The following KCNT2 variants were observed in gnomAD, a reference collection of about 807,000 sequenced individuals.
KCNT2 encodes the protein potassium channel subfamily T member 2.
In KCNT2, 67 loss-of-function variants were observed where a neutral mutation model predicts 153.8. The ratio of observed to expected loss-of-function variants is 0.44; its 90% confidence interval spans 0.36 to 0.53. KCNT2 has a LOEUF of 0.53. Among genes scored for constraint, KCNT2 ranks in the 20% least tolerant of loss-of-function variants. The pLI is 0.00. For missense variants in KCNT2, 975 were observed against 1,354.8 expected (o/e 0.72, Z 4.40); for synonymous variants, 500 against 458.8 (o/e 1.09, Z -1.15).
intron 1 of KCNT2, among the ~76,000 whole-genome samples, chr1:196,585,834 C>T (rs1662612101): frequency 6.6e-6 from 1 of 152,116 alleles, no homozygotes; most frequent in African/African-American, 2.4e-5. Flanking sequence ...ACTTTAGATA[C>T]ACTCATACTT....
intron 13 of KCNT2, among the ~76,000 whole-genome samples, chr1:196,389,759 AAAGT>A (rs1670309585): frequency 6.6e-6 from 1 of 151,620 alleles, no homozygotes; most frequent in Admixed American, 6.6e-5. Context: ...TGTAAATTGA[AAAGT>A]TAGTGGTAAG....
intron 1 of KCNT2, among the ~76,000 whole-genome samples, chr1:196,599,782 G>A (rs139630734): frequency 6.6e-6 from 1 of 152,258 alleles, no homozygotes; most frequent in Non-Finnish European, 1.5e-5. Flanking sequence ...TTCAATCTAA[G>A]GCAAAATTGT....
intron 12 of KCNT2, among the ~76,000 whole-genome samples, chr1:196,405,252 T>C (rs1283029074): frequency 6.6e-6 from 1 of 151,446 alleles, no homozygotes; most frequent in Non-Finnish European, 1.5e-5. Flanking sequence ...TGCTCCATAT[T>C]TCGAATCATA....
chr1:196,246,303 A>G (rs1250213116), intron 26 of KCNT2, among the ~76,000 whole-genome samples: 1 of 152,176 alleles, frequency 6.6e-6, no homozygotes, highest in Admixed American at 6.5e-5. Flanking sequence ...AAAAAAGGGA[A>G]ATAAGGACTT....
chr1:196,316,305 C>T lies in KCNT2; in HGVS notation c.2349-279G>A, dbSNP rs372885310. Among the ~76,000 whole-genome samples the T allele has an allele frequency of 4.0e-5, 6 of 151,614 alleles. No homozygotes were observed. The East Asian group carries it at 5.8e-4, about 15-fold the overall frequency. ...TTTAATAATTTTTATTAATTATATA[C>T]ATGAAATATGGAATACATCCATTTT... On this transcript the variant is annotated intron_variant, in intron 20 of 27. Coordinates refer to ENST00000294725, the MANE Select transcript of KCNT2 (RefSeq NM_198503.5).
At chr1:196,231,737 G>A (rs1213312813) in intron 27 of KCNT2, among the ~76,000 whole-genome samples, 1 of 151,694 alleles carries the variant, frequency 6.6e-6, no homozygotes, top group African/African-American at 2.4e-5. Flanking sequence ...AGTAAATCAT[G>A]GTAGGTAAAG....
chr1:196,578,354 T>A (rs961377291), intron 1 of KCNT2, among the ~76,000 whole-genome samples: 1 of 152,112 alleles, frequency 6.6e-6, no homozygotes, highest in African/African-American at 2.4e-5. Context: ...CTCAGGGAAC[T>A]GGGAGCCTTG....
chr1:196,584,169 A>ATAAAATAAAATAAAATAAAG (rs1226877288), intron 1 of KCNT2, among the ~76,000 whole-genome samples: 2 of 3,816 alleles, frequency 5.2e-4, no homozygotes, highest in Non-Finnish European at 1.6e-3. Context: ...TGGAATTAAG[A>ATAAAATAAAATAAAATAAAG]TAAAATAAAA....
Position 196,479,051 on chromosome 1 carries a change from C to G in KCNT2, c.384+128G>C, listed in dbSNP as rs376692977. The G allele has an allele frequency of 2.4e-5, 15 of 637,118 alleles. No homozygotes were observed. In the Admixed American group the frequency reaches 2.7e-4, roughly 11 times the overall value. 39.5% of individuals were successfully genotyped at this position (637,118 alleles called of 1,614,324 possible). A position where few individuals can be genotyped will look rare whatever the true frequency, so the allele number is the denominator to read the frequency against. ...TACAGCTTTTTATCAGCTACTGGAG[C>G]GGCTCAAAACAAAGTGGCTCAAGAA... On this transcript the variant is annotated intron_variant, in intron 5 of 27. Coordinates refer to ENST00000294725, the MANE Select transcript of KCNT2 (RefSeq NM_198503.5).
chr1:196,395,704 C>T (rs1670878299), intron 13 of KCNT2, among the ~76,000 whole-genome samples: 1 of 151,426 alleles, frequency 6.6e-6, no homozygotes, highest in Admixed American at 6.6e-5. Flanking sequence ...CTCCAGAATT[C>T]GCAGTTTCAA....
chr1:196,592,789 T>A (rs1421847540), intron 1 of KCNT2, among the ~76,000 whole-genome samples: 1 of 147,332 alleles, frequency 6.8e-6, no homozygotes, highest in Non-Finnish European at 1.5e-5. Flanking sequence ...CAAGAGGGAG[T>A]CTATAGTCAA....
At chr1:196,377,353 A>T (rs1474445171) in intron 13 of KCNT2, among the ~76,000 whole-genome samples, 11 of 151,772 alleles carry the variant, frequency 7.2e-5, no homozygotes, top group African/African-American at 2.7e-4. Flanking sequence ...GGGGGGGAGA[A>T]TTTCAAGTCA....
chr1:196,232,034 G>A (rs1181131362), intron 27 of KCNT2, among the ~76,000 whole-genome samples: 1 of 151,706 alleles, frequency 6.6e-6, no homozygotes, highest in Non-Finnish European at 1.5e-5. Context: ...AAAGACTGAA[G>A]GGAAAAATTC....
At chr1:196,460,968 A>G (rs1043518390) in intron 8 of KCNT2, among the ~76,000 whole-genome samples, 8 of 151,890 alleles carry the variant, frequency 5.3e-5, no homozygotes, top group African/African-American at 1.9e-4. Flanking sequence ...TTGTTAGTCA[A>G]TTGCCAGATC....
chr1:196,500,307 AGGGAGGGAG>A (rs1558012524), intron 1 of KCNT2, among the ~76,000 whole-genome samples: 45 of 45,144 alleles, frequency 1.0e-3, no homozygotes, highest in South Asian at 5.5e-3. Context: ...GGAGGGAGGG[AGGGAGGGAG>A]GGAGGGAAAG....
chr1:196,598,740 T>C (rs1176453191), intron 1 of KCNT2, among the ~76,000 whole-genome samples: 1 of 152,232 alleles, frequency 6.6e-6, no homozygotes, highest in Non-Finnish European at 1.5e-5. Flanking sequence ...GATATATTTC[T>C]GTACCTTGGT....
At chr1:196,299,310 C>T (rs530090331) in intron 22 of KCNT2, among the ~76,000 whole-genome samples, 1 of 151,640 alleles carries the variant, frequency 6.6e-6, no homozygotes, top group Admixed American at 6.6e-5. Context: ...AAAAGTATCG[C>T]TGACAAAACT....
At chr1:196,528,725 G>A (rs568870321) in intron 1 of KCNT2, among the ~76,000 whole-genome samples, 14 of 152,106 alleles carry the variant, frequency 9.2e-5, no homozygotes, top group Admixed American at 5.2e-4. Context: ...CACTTCCCTC[G>A]CTCGTTAGGT....
intron 19 of KCNT2, among the ~76,000 whole-genome samples, chr1:196,322,035 T>G (rs1343328426): frequency 6.6e-6 from 1 of 151,836 alleles, no homozygotes; most frequent in African/African-American, 2.4e-5. Context: ...AACAAAAACA[T>G]AAAACATTCC....
Sources: allele counts gnomAD v4.1 joint callset (sites outside exome capture counted in the v4.1 genomes callset), GRCh38; gene constraint gnomAD v4.1.1; transcripts MANE v1.5; gene names NCBI Gene and HGNC (gene_info 2026-07-23, HGNC 2026-07-21).